Variants in ZNF160 observed in about 807,000 individuals in gnomAD.
ZNF160 encodes KRAB zinc finger protein KR18.
ZNF160 carries 9 observed loss-of-function variants against 13.1 expected under a neutral mutation model. The ratio of observed to expected loss-of-function variants is 0.69; its 90% CI spans 0.41 to 1.20. The LOEUF (loss-of-function observed/expected upper bound fraction) is 1.20. ZNF160 is among the 50% of genes most tolerant of loss of function. The pLI is 0.01. For synonymous variants in ZNF160, 293 were observed against 333.2 expected (o/e 0.88, Z 1.31); for missense variants, 838 against 988.0 (o/e 0.85, Z 2.04).
In ZNF160 at chr19:53,069,686, T is replaced by G; in HGVS notation, c.848A>C (p.Lys283Thr). The change falls in exon 6 of 6, where the codon AAG (lysine) becomes ACG (threonine). Residue 283 changes from lysine (K) to threonine (T), a missense_variant. By Grantham distance (78) the Lys-to-Thr change is moderately conservative. Coordinates refer to ENST00000683776, the MANE Select transcript of ZNF160 (RefSeq NM_001322131.2). This position sits in a 1 kb window ranked among gnomAD's most constrained non-coding sequence, Gnocchi z 4.4. ...TSHRRIHSGE[K>T]PYKCSECGKT... ...GCCGCACTCACTGCATTTGTAAGGCTTCTCTCCACTATGAATTCTCCTATG... is the reference window on the plus strand; with the variant it reads ...GCCGCACTCACTGCATTTGTAAGGCGTCTCTCCACTATGAATTCTCCTATG... 1 of 1,614,188 alleles carries G rather than the reference T, an allele frequency of 6.2e-7. No homozygotes were observed. Among genetic ancestry groups the G allele is most frequent in the East Asian group, 2.2e-5 (1 of 44,884 alleles).
In ZNF160 at chr19:53,068,338, A is replaced by G. The variant is rs1322717677; in HGVS notation, c.2196T>C (p.Pro732=). The change falls in exon 6 of 6, where the codon CCT becomes CCC. Residue 732 remains proline, a synonymous_variant. Transcript: ENST00000683776. ...THQAIHTGKK[P]YKCNECGKVF... Reference sequence around the variant, plus strand: ...CCTTGCCACATTCATTACATTTGTAAGGTTTTTTCCCAGTATGGATTGCCT... The same window carrying G: ...CCTTGCCACATTCATTACATTTGTAGGGTTTTTTCCCAGTATGGATTGCCT... 1 of 1,614,102 alleles carries G rather than the reference A, an allele frequency of 6.2e-7. No homozygotes were observed. Among genetic ancestry groups the G allele is most frequent in the South Asian group, 1.1e-5 (1 of 91,074 alleles).
chr19:53,090,979 T>C (rs1233954054), intron 2 of ZNF160: 1 of 152,200 alleles, frequency 6.6e-6, no homozygotes, highest in Non-Finnish European at 1.5e-5. Flanking sequence ...CAATGGGAAG[T>C]GACCCCTGAC....
intron 3 of ZNF160, chr19:53,085,408 A>C (rs768371676): frequency 2.2e-4 from 35 of 156,850 alleles, no homozygotes; most frequent in Non-Finnish European, 4.7e-4. Context: ...AAGGCTGGAC[A>C]GGAAAAGGGA....
chr19:53,085,943 A>C (rs903862300), intron 3 of ZNF160: 13 of 1,115,248 alleles, frequency 1.2e-5, no homozygotes, highest in Non-Finnish European at 1.6e-5. Flanking sequence ...CACAGCGCTG[A>C]CAGTGCATCC....
intron 5 of ZNF160, among the ~76,000 whole-genome samples, chr19:53,072,384 G>A (rs572317164): frequency 3.9e-4 from 59 of 152,256 alleles, no homozygotes; most frequent in African/African-American, 1.4e-3. Context: ...ATAGGCGTGA[G>A]CCTCTATACC....
In ZNF160 at chr19:53,069,327, C is replaced by T. The variant is rs367570319; in HGVS notation, c.1207G>A (p.Gly403Ser). The T allele has an allele frequency of 4.6e-5, 75 of 1,613,806 alleles. No homozygotes were observed. The highest frequency in any genetic ancestry group is 5.8e-5 in the Non-Finnish European group (68 of 1,179,868). The change falls in exon 6 of 6, where the codon GGC becomes AGC. Residue 403 changes from glycine (G) to serine (S), a missense_variant. This residue lies in a region of ZNF160 where 400 missense variants were observed against 538.9 expected (regional missense o/e 0.74). Transcript: ENST00000683776. The surrounding 1 kb of genome is among the most constrained non-coding windows in gnomAD (Gnocchi z 4.4). ...CTTGAACGAACACTAAAGGCTTTGCCGCACTCATTGCACTTGTAAGGTTTC... is the reference window on the plus strand; with the variant it reads ...CTTGAACGAACACTAAAGGCTTTGCTGCACTCATTGCACTTGTAAGGTTTC... ...GEKPYKCNECGKAFSVRSSLA... is the reference protein window; with the variant it reads ...GEKPYKCNECSKAFSVRSSLA...
At chr19:53,100,717 C>T (rs1437211104) in intron 1 of ZNF160, among the ~76,000 whole-genome samples, 3 of 147,270 alleles carry the variant, frequency 2.0e-5, no homozygotes, top group Admixed American at 6.8e-5. Flanking sequence ...TACTGATGGC[C>T]GGCGTAGTGG....
intron 1 of ZNF160, chr19:53,095,739 C>A (rs550483102): frequency 7.2e-5 from 11 of 151,970 alleles, no homozygotes; most frequent in African/African-American, 2.4e-4. Context: ...AATGTTCAGT[C>A]GTTTATTCAC....
chr19:53,071,768 G>C (rs10422454), intron 5 of ZNF160, among the ~76,000 whole-genome samples: 48,142 of 151,810 alleles, frequency 0.32, 7,770 homozygotes, highest in Middle Eastern at 0.38. Flanking sequence ...ATTTTTCCAC[G>C]CTGACCTCAC....
chr19:53,072,945 T>C, intron 5 of ZNF160: 1 of 772,684 alleles, frequency 1.3e-6, no homozygotes, highest in Non-Finnish European at 1.6e-6. Flanking sequence ...AACTGGAATA[T>C]GATTTTTAAA....
intron 1 of ZNF160, among the ~76,000 whole-genome samples, chr19:53,097,169 C>T (rs329721): frequency 0.3 from 31,879 of 104,674 alleles, 3,336 homozygotes; most frequent in African/African-American, 0.43. Context: ...GAGAGGCCAC[C>T]GGCCTGGCTG....
At chr19:53,103,189 G>A (rs920140571) in intron 1 of ZNF160, 76 bp downstream of exon 1, 1 of 152,294 alleles carries the variant, frequency 6.6e-6, no homozygotes, top group Non-Finnish European at 1.5e-5. Context: ...AGAAAGACCG[G>A]GGGCAGGGAC....
chr19:53,086,372 A>G (rs946811682), intron 2 of ZNF160, 51 bp from the exon 3 acceptor site: 7 of 1,483,036 alleles, frequency 4.7e-6, no homozygotes, highest in Non-Finnish European at 6.3e-6. Flanking sequence ...TATCCAAAAT[A>G]TGCTGCTTAG....
intron 3 of ZNF160, among the ~76,000 whole-genome samples, chr19:53,080,045 A>G (rs190388737): frequency 4.2e-4 from 64 of 152,174 alleles, no homozygotes; most frequent in Non-Finnish European, 1.9e-4. Flanking sequence ...AGACTCCTAG[A>G]CCTGATAAAT....
intron 2 of ZNF160, among the ~76,000 whole-genome samples, chr19:53,087,076 G>A (rs1600876102): frequency 6.6e-6 from 1 of 152,250 alleles, no homozygotes; most frequent in Non-Finnish European, 1.5e-5. Flanking sequence ...AGTGATGTCA[G>A]AACAAAGACC....
At chr19:53,084,456 A>C (rs1385057529) in intron 3 of ZNF160, among the ~76,000 whole-genome samples, 1 of 152,204 alleles carries the variant, frequency 6.6e-6, no homozygotes, top group Non-Finnish European at 1.5e-5. Flanking sequence ...GCAGCGAGCA[A>C]CTGAACCTGC....
chr19:53,100,718 G>A (rs575935939), intron 1 of ZNF160, among the ~76,000 whole-genome samples: 12 of 147,884 alleles, frequency 8.1e-5, no homozygotes, highest in South Asian at 6.5e-4. Flanking sequence ...ACTGATGGCC[G>A]GCGTAGTGGC....
intron 3 of ZNF160, among the ~76,000 whole-genome samples, chr19:53,084,738 C>T (rs1029084158): frequency 3.9e-5 from 6 of 152,036 alleles, no homozygotes; most frequent in African/African-American, 1.4e-4. Context: ...ATAAAATGAA[C>T]ACAGTGGCAA....
chr19:53,101,842 T>C (rs572440880), intron 1 of ZNF160, among the ~76,000 whole-genome samples: 90 of 152,358 alleles, frequency 5.9e-4, no homozygotes, highest in Non-Finnish European at 8.5e-4. Context: ...TACACAGAGC[T>C]TTGTAATTCT....
Sources: allele counts gnomAD v4.1 joint callset (sites outside exome capture counted in the v4.1 genomes callset), GRCh38; gene constraint gnomAD v4.1.1; regional missense constraint gnomAD v4.1.1; non-coding constraint Gnocchi (gnomAD v3.1); transcripts MANE v1.5; gene names NCBI Gene and HGNC (gene_info 2026-07-23, HGNC 2026-07-21).